DPP10: variants seen among roughly 807,000 people sequenced by gnomAD.
DPP10 encodes the protein dipeptidyl peptidase like 10, also known as inactive dipeptidyl peptidase 10.
A neutral mutation model predicts 120.9 loss-of-function variants in DPP10; 33 were observed. That is an observed-to-expected ratio of 0.27 (90% confidence interval 0.21 to 0.37). The LOEUF (loss-of-function observed/expected upper bound fraction) is 0.37. Among genes scored for constraint, DPP10 ranks in the 10% least tolerant of loss-of-function variants. The pLI, the probability that DPP10 is intolerant of heterozygous loss-of-function variation, is 1.00. For missense variants in DPP10, 816 were observed against 942.8 expected (o/e 0.87, Z 1.76); for synonymous variants, 337 against 326.1 (o/e 1.03, Z -0.36).
intron 1 of DPP10, among the ~76,000 whole-genome samples, chr2:115,083,687 G>A (rs1708463416): frequency 6.6e-6 from 1 of 152,166 alleles, no homozygotes; most frequent in African/African-American, 2.4e-5. Flanking sequence ...AACTTTCAGA[G>A]CATTTGCTAC....
chr2:115,420,241 G>A lies in DPP10; in HGVS notation c.271+76329G>A, dbSNP rs576268725. 2.4e-3 allele frequency among the ~76,000 whole-genome samples: 373 copies of A among 152,266 alleles called. 1 individual carries two copies. The highest frequency in any genetic ancestry group is 3.9e-3 in the Non-Finnish European group (263 of 68,022). ...ATTTAATGTCTTACAGTATAGTACA[G>A]ACCTTTGGACAAAGGATGAGGTGGT... is the stretch of plus-strand genomic sequence containing the variant. On this transcript the variant is annotated intron_variant, in intron 3 of 25. Coordinates refer to ENST00000410059, the MANE Select transcript of DPP10 (RefSeq NM_020868.6).
chr2:115,659,172 G>A (rs1240596882), intron 5 of DPP10, among the ~76,000 whole-genome samples: 1 of 152,074 alleles, frequency 6.6e-6, no homozygotes, highest in Non-Finnish European at 1.5e-5. Flanking sequence ...AGATGACTTA[G>A]CAAGAAGGCC....
chr2:115,085,473 A>G (rs1220827160), intron 1 of DPP10, among the ~76,000 whole-genome samples: 2 of 152,224 alleles, frequency 1.3e-5, no homozygotes, highest in Admixed American at 6.5e-5. Flanking sequence ...TTGTTCCCAA[A>G]TTTCAATAAA....
At chr2:114,496,824 G>A (rs561620300) in intron 1 of DPP10, among the ~76,000 whole-genome samples, 1 of 152,038 alleles carries the variant, frequency 6.6e-6, no homozygotes, top group South Asian at 2.1e-4. Flanking sequence ...AGGATGAAAG[G>A]CCATTGTTGA....
chr2:115,288,590 G>T (rs375830170), intron 1 of DPP10, among the ~76,000 whole-genome samples: 4 of 151,944 alleles, frequency 2.6e-5, no homozygotes, highest in Admixed American at 6.6e-5. Flanking sequence ...GCCTGGTTGG[G>T]GGGGAGCCTG....
At chr2:115,380,830 A>G (rs899263808) in intron 3 of DPP10, among the ~76,000 whole-genome samples, 2 of 152,170 alleles carry the variant, frequency 1.3e-5, no homozygotes. Context: ...TTGGCTTGAT[A>G]TGAAATTCTG....
intron 1 of DPP10, among the ~76,000 whole-genome samples, chr2:115,254,393 CAT>C (rs1220823410): frequency 6.6e-6 from 1 of 152,176 alleles, no homozygotes; most frequent in African/African-American, 2.4e-5. Flanking sequence ...TCCCATGACA[CAT>C]GAGGATTATG....
chr2:115,564,802 T>G (rs763487262), intron 5 of DPP10, among the ~76,000 whole-genome samples: 9 of 152,232 alleles, frequency 5.9e-5, no homozygotes, highest in Non-Finnish European at 1.2e-4. Flanking sequence ...TAACTGGCAA[T>G]TTAAATAACA....
chr2:115,304,410 C>T (rs183439785), intron 1 of DPP10, among the ~76,000 whole-genome samples: 101 of 152,144 alleles, frequency 6.6e-4, no homozygotes, highest in Admixed American at 1.2e-3. Context: ...AACCCAAGTA[C>T]ATCTTTTCAC....
rs371840321 is a variant in DPP10 at position 114,864,838 on chromosome 2, CT to C, written c.60+422004del. On this transcript the variant is annotated intron_variant, in intron 1 of 25. Coordinates refer to ENST00000410059, the MANE Select transcript of DPP10 (RefSeq NM_020868.6). ...TTCAGTACTACCTAGACAAATGGTG[CT>C]TTTCCATGGGTAGAACCTTGCCAAG... 2.5e-4 allele frequency among the ~76,000 whole-genome samples: 38 copies of C among 151,888 alleles called. No homozygotes were observed. In the East Asian group the frequency reaches 4.7e-3, roughly 19 times the overall value.
intron 11 of DPP10, among the ~76,000 whole-genome samples, chr2:115,756,350 A>T (rs1186119460): frequency 6.6e-6 from 1 of 152,136 alleles, no homozygotes; most frequent in East Asian, 1.9e-4. Context: ...TAAAGCACAT[A>T]AAAAATGATA....
intron 1 of DPP10, among the ~76,000 whole-genome samples, chr2:114,947,356 A>T (rs1697442514): frequency 6.7e-6 from 1 of 150,344 alleles, no homozygotes; most frequent in Admixed American, 6.6e-5. Context: ...CTAATACACA[A>T]TTTTTTCCAT....
chr2:115,794,803 A>G (rs1359573991), intron 19 of DPP10, among the ~76,000 whole-genome samples: 2 of 152,130 alleles, frequency 1.3e-5, no homozygotes, highest in Non-Finnish European at 1.5e-5. Context: ...ACACATCTGT[A>G]TTCATTCCAG....
At chr2:115,720,354 A>G (rs2092615366) in intron 7 of DPP10, among the ~76,000 whole-genome samples, 1 of 152,216 alleles carries the variant, frequency 6.6e-6, no homozygotes, top group African/African-American at 2.4e-5. Flanking sequence ...AAGATTTTAA[A>G]GAGTAATTCC....
chr2:114,989,724 C>T (rs946550200), intron 1 of DPP10, among the ~76,000 whole-genome samples: 1 of 152,178 alleles, frequency 6.6e-6, no homozygotes, highest in Admixed American at 6.5e-5. Flanking sequence ...AAATCATAAT[C>T]ACAATTAAGA....
intron 1 of DPP10, among the ~76,000 whole-genome samples, chr2:114,478,654 C>A (rs1432830400): frequency 6.6e-6 from 1 of 152,002 alleles, no homozygotes. Context: ...TCTCCATTTA[C>A]AAATTTCATA....
chr2:114,820,868 C>T (rs996871645), intron 1 of DPP10, among the ~76,000 whole-genome samples: 1 of 152,208 alleles, frequency 6.6e-6, no homozygotes, highest in Non-Finnish European at 1.5e-5. Flanking sequence ...CCTCCCAAAT[C>T]TCATGTCCTC....
At chr2:115,654,195 A>G (rs1477608467) in intron 5 of DPP10, among the ~76,000 whole-genome samples, 1 of 151,792 alleles carries the variant, frequency 6.6e-6, no homozygotes, top group Non-Finnish European at 1.5e-5. Context: ...CAAGCAGTTT[A>G]TAATCTTTTA....
At chr2:114,776,231 C>CACAA (rs1681723658) in intron 1 of DPP10, among the ~76,000 whole-genome samples, 1 of 152,134 alleles carries the variant, frequency 6.6e-6, no homozygotes, top group South Asian at 2.1e-4. Context: ...ACAATTAGAA[C>CACAA]ACAAACAAAC....
Sources: allele counts gnomAD v4.1 joint callset (sites outside exome capture counted in the v4.1 genomes callset), GRCh38; gene constraint gnomAD v4.1.1; transcripts MANE v1.5; gene names NCBI Gene and HGNC (gene_info 2026-07-23, HGNC 2026-07-21).